Variants in GRID1 observed in about 807,000 individuals in gnomAD.
The protein encoded by GRID1 is glutamate ionotropic receptor delta type subunit 1.
In GRID1, 28 loss-of-function variants were observed where a neutral mutation model predicts 98.0. The ratio of observed to expected loss-of-function variants is 0.29; its 90% confidence interval spans 0.21 to 0.39. The LOEUF (loss-of-function observed/expected upper bound fraction) is 0.39, where lower values mean the gene tolerates loss of function less well. Ranked by LOEUF, GRID1 falls within the 10% of genes least tolerant of loss-of-function variation. The pLI, the probability that GRID1 is intolerant of heterozygous loss-of-function variation, is 1.00. For synonymous variants in GRID1, 553 were observed against 538.5 expected, an observed-to-expected ratio of 1.03 and a Z score of -0.37; for missense variants, 1,111 against 1,340.5, an observed-to-expected ratio of 0.83 and a Z score of 2.67.
At chr10:86,026,881 G>T (rs1457301650) in intron 4 of GRID1, among the ~76,000 whole-genome samples, 1 of 152,204 alleles carries the variant, frequency 6.6e-6, no homozygotes, top group African/African-American at 2.4e-5. Context: ...GAAAATGCAT[G>T]ACATGCTCTC....
chr10:86,259,165 A>G (rs1339373471), intron 2 of GRID1, among the ~76,000 whole-genome samples: 2 of 152,260 alleles, frequency 1.3e-5, no homozygotes, highest in African/African-American at 2.4e-5. Flanking sequence ...AGGAGGAGCT[A>G]TAAGAACATG....
chr10:86,097,764 A>G (rs752740202), intron 4 of GRID1, among the ~76,000 whole-genome samples: 1 of 152,240 alleles, frequency 6.6e-6, no homozygotes, highest in Non-Finnish European at 1.5e-5. Context: ...TGAACTCTTG[A>G]CAGTGGTTAT....
intron 4 of GRID1, among the ~76,000 whole-genome samples, chr10:86,123,541 A>G (rs1487382222): frequency 1.3e-5 from 2 of 152,172 alleles, no homozygotes; most frequent in African/African-American, 4.8e-5. Context: ...CTATTGGCAC[A>G]AGGGCAAACA....
rs1411218783 is a variant in GRID1 at position 85,674,887 on chromosome 10, T to G, written c.1998-27490A>C. Among the ~76,000 whole-genome samples the G allele has an allele frequency of 2.0e-5, 3 of 152,188 alleles. No individual in the cohort carries two copies. The East Asian group carries it at 5.8e-4, about 29-fold the overall frequency. ...AGGAGGAGACATATGTAGGACAAAC[T>G]CTGGGCATGAAGCTCAGAAATTTAG... On this transcript the variant is annotated intron_variant, in intron 12 of 15. Coordinates refer to ENST00000327946, the MANE Select transcript of GRID1 (RefSeq NM_017551.3).
intron 4 of GRID1, among the ~76,000 whole-genome samples, chr10:86,071,194 G>A (rs1017859859): frequency 5.9e-5 from 9 of 152,228 alleles, no homozygotes; most frequent in Non-Finnish European, 5.9e-5. Flanking sequence ...CACAGGTACA[G>A]ACAACCCATA....
intron 2 of GRID1, among the ~76,000 whole-genome samples, chr10:86,274,659 T>C (rs1208652819): frequency 6.6e-6 from 1 of 152,090 alleles, no homozygotes; most frequent in African/African-American, 2.4e-5. Context: ...AGGTATTTTA[T>C]TCTCTTTGAA....
chr10:85,933,285 T>TAAAAA (rs59704249), intron 4 of GRID1, among the ~76,000 whole-genome samples: 5 of 120,438 alleles, frequency 4.2e-5, no homozygotes, highest in African/African-American at 1.4e-4. Flanking sequence ...CTCTGTTCTT[T>TAAAAA]AAAAAAAAAA....
chr10:85,667,408 T>C (rs1841034002), intron 12 of GRID1, among the ~76,000 whole-genome samples: 1 of 152,000 alleles, frequency 6.6e-6, no homozygotes, highest in Non-Finnish European at 1.5e-5. Context: ...AAAAAAAGAA[T>C]AAACACAAAC....
At chr10:85,865,922 TATATATATATATATATATATAC>T (rs1269058152) in intron 6 of GRID1, among the ~76,000 whole-genome samples, 1 of 111,628 alleles carries the variant, frequency 9.0e-6, no homozygotes, top group Non-Finnish European at 1.7e-5. Flanking sequence ...CATATATATA[TATATATATATATATATATATAC>T]ACATATATAT....
chr10:85,975,519 G>C (rs1329274986), intron 4 of GRID1, among the ~76,000 whole-genome samples: 5 of 152,202 alleles, frequency 3.3e-5, no homozygotes, highest in Non-Finnish European at 5.9e-5. Flanking sequence ...GCTATAAGAT[G>C]CTTGATGAGA....
At position 85,820,023 on chromosome 10, in the gene GRID1, AAGGAAGGCAGGC is replaced by A. The variant is rs1262642838; in HGVS notation, c.1233+34461_1233+34472del. Among the ~76,000 whole-genome samples the A allele has an allele frequency of 5.9e-3, 533 of 89,876 alleles. 3 individuals are homozygous for A. The highest frequency in any genetic ancestry group is 0.012 in the African/African-American group (196 of 15,710). 59.0% of individuals were successfully genotyped at this position (89,876 alleles called of 152,430 possible). A position where few individuals can be genotyped will look rare whatever the true frequency, so the allele number is the denominator to read the frequency against. ...GAAGGAAGGAAGGAAGGAAGGAAGG[AAGGAAGGCAGGC>A]AGGCAGGCAGGCAGGCAGGCAGGCA... On this transcript the variant is annotated intron_variant, in intron 8 of 15. Coordinates refer to ENST00000327946, the MANE Select transcript of GRID1 (RefSeq NM_017551.3).
chr10:86,348,765 T>C (rs1463035911), intron 2 of GRID1, among the ~76,000 whole-genome samples: 3 of 152,196 alleles, frequency 2.0e-5, no homozygotes, highest in Admixed American at 2.0e-4. Flanking sequence ...CCCGGAAGCA[T>C]TCACCAGTGC....
chr10:85,909,602 A>G (rs1242942083), intron 5 of GRID1, among the ~76,000 whole-genome samples: 1 of 152,264 alleles, frequency 6.6e-6, no homozygotes, highest in Non-Finnish European at 1.5e-5. Context: ...ACATTGCAAC[A>G]TAAGATGAAT....
intron 4 of GRID1, among the ~76,000 whole-genome samples, chr10:85,953,479 A>G (rs189144945): frequency 8.3e-4 from 126 of 152,316 alleles, no homozygotes; most frequent in African/African-American, 2.9e-3. Flanking sequence ...ATTTTTGACT[A>G]TGTAGGGAGT....
At chr10:85,681,820 C>T (rs1034991568) in intron 12 of GRID1, among the ~76,000 whole-genome samples, 11 of 152,122 alleles carry the variant, frequency 7.2e-5, no homozygotes, top group Non-Finnish European at 1.0e-4. Context: ...AGTATATGGC[C>T]TGCCCTCCCC....
chr10:85,880,198 G>A (rs1336968895), intron 5 of GRID1, among the ~76,000 whole-genome samples: 2 of 152,200 alleles, frequency 1.3e-5, no homozygotes, highest in Non-Finnish European at 2.9e-5. Flanking sequence ...CAGGTACAAG[G>A]AGGAGCTGGT....
intron 4 of GRID1, among the ~76,000 whole-genome samples, chr10:86,050,685 G>A (rs922664666): frequency 6.6e-6 from 1 of 151,890 alleles, no homozygotes; most frequent in African/African-American, 2.4e-5. Context: ...GCAAAAAAGT[G>A]CAAAAAAAGG....
chr10:86,217,587 T>G (rs1245983310), intron 2 of GRID1, among the ~76,000 whole-genome samples: 4 of 152,210 alleles, frequency 2.6e-5, no homozygotes, highest in Non-Finnish European at 5.9e-5. Flanking sequence ...CAGACACCAA[T>G]CATGGCCTGG....
intron 8 of GRID1, among the ~76,000 whole-genome samples, chr10:85,822,111 C>T (rs1286919969): frequency 5.9e-5 from 9 of 151,790 alleles, no homozygotes; most frequent in Admixed American, 1.3e-4. Flanking sequence ...CATTACCATT[C>T]AGGACATAGG....
Sources: allele counts gnomAD v4.1 joint callset (sites outside exome capture counted in the v4.1 genomes callset), GRCh38; gene constraint gnomAD v4.1.1; transcripts MANE v1.5; gene names NCBI Gene and HGNC (gene_info 2026-07-23, HGNC 2026-07-21).